The following RBMS1 variants were observed in gnomAD, a reference collection of about 807,000 sequenced individuals.
RBMS1 encodes RNA-binding motif, single-stranded-interacting protein 1.
RBMS1 carries 17 observed loss-of-function variants against 62.3 expected under a neutral mutation model. The ratio of observed to expected loss-of-function variants is 0.27; its 90% CI spans 0.19 to 0.41. RBMS1 has a LOEUF of 0.41. Ranked by LOEUF, RBMS1 falls within the 10% of genes least tolerant of loss-of-function variation. The probability of loss-of-function intolerance (pLI) is 1.00; values close to 1 mark genes in which losing one functional copy is unlikely to be tolerated. For missense variants in RBMS1, 334 were observed against 504.5 expected, an observed-to-expected ratio of 0.66 and a Z score of 3.24; for synonymous variants, 172 against 170.0, an observed-to-expected ratio of 1.01 and a Z score of -0.09.
At chr2:160,342,817 A>G (rs1412609216) in intron 2 of RBMS1, among the ~76,000 whole-genome samples, 1 of 151,732 alleles carries the variant, frequency 6.6e-6, no homozygotes, top group Non-Finnish European at 1.5e-5. Flanking sequence ...AGGCGCTTGT[A>G]ATCCTAGTTA....
chr2:160,384,980 C>T (rs887828512), intron 1 of RBMS1, among the ~76,000 whole-genome samples: 1 of 152,002 alleles, frequency 6.6e-6, no homozygotes, highest in African/African-American at 2.4e-5. Context: ...AAGTGTGTGG[C>T]CTTTCCCTCT....
intron 6 of RBMS1, among the ~76,000 whole-genome samples, chr2:160,296,686 C>A (rs12692590): frequency 2.0e-5 from 3 of 151,940 alleles, no homozygotes; most frequent in African/African-American, 7.3e-5. Flanking sequence ...TGCCTCTGTG[C>A]TTGCTTTCAA....
chr2:160,287,115 C>G, intron 6 of RBMS1, 31 bp from the exon 7 acceptor site: 1 of 1,610,768 alleles, frequency 6.2e-7, no homozygotes, highest in Non-Finnish European at 8.5e-7. Context: ...AAAATGAAAC[C>G]ACAATGATAC....
chr2:160,321,363 A>G (rs866130810), intron 2 of RBMS1, among the ~76,000 whole-genome samples: 16 of 152,004 alleles, frequency 1.1e-4, no homozygotes, highest in Non-Finnish European at 4.4e-5. Flanking sequence ...CTCCTTAACT[A>G]AGTACTTTCA....
At position 160,493,674 on chromosome 2, in the gene RBMS1, C is replaced by G. The variant is rs545416274; in HGVS notation, c.-311G>C. The stretch of plus-strand genomic sequence containing the variant: ...CAAGGAGTTTCCTCCCGGAGCCCGA[C>G]TGCTCCGGGGCTGCCAAGGGCTGGC... On this transcript the variant is annotated 5_prime_UTR_variant, in exon 1 of 14. Coordinates refer to ENST00000348849, the MANE Select transcript of RBMS1 (RefSeq NM_016836.4). 351 of 450,148 alleles carry G rather than the reference C, an allele frequency of 7.8e-4. No individual in the cohort carries two copies. The highest frequency in any genetic ancestry group is 6.2e-3 in the African/African-American group (301 of 48,624). 27.9% of individuals were successfully genotyped at this position (450,148 alleles called of 1,614,324 possible). A position where few individuals can be genotyped will look rare whatever the true frequency, so the allele number is the denominator to read the frequency against.
At chr2:160,362,010 T>C (rs7584566) in intron 2 of RBMS1, among the ~76,000 whole-genome samples, 1,714 of 152,276 alleles carry the variant, frequency 0.011, 41 homozygotes, top group African/African-American at 0.037. Flanking sequence ...ACAATGAAGA[T>C]TGCTGCATCA....
At position 160,331,699 on chromosome 2, in the gene RBMS1, G is replaced by C. The variant is rs192283052; in HGVS notation, c.252-13472C>G. ...CCTGGTCTTCTGAGCTCTTTCAGAA[G>C]AGAGTAAGCACCATAAACAAAGAGC... On this transcript the variant is annotated intron_variant, in intron 2 of 13. Coordinates refer to ENST00000348849, the MANE Select transcript of RBMS1 (RefSeq NM_016836.4). Among the ~76,000 whole-genome samples the C allele has an allele frequency of 6.0e-3, 918 of 152,308 alleles. 17 individuals carry two copies. Among genetic ancestry groups the C allele is most frequent in the Middle Eastern group, 0.014 (4 of 294 alleles).
intron 2 of RBMS1, among the ~76,000 whole-genome samples, chr2:160,339,645 A>G (rs1691760476): frequency 6.6e-6 from 1 of 152,176 alleles, no homozygotes; most frequent in Non-Finnish European, 1.5e-5. Context: ...TATAGTCTAT[A>G]TCTTCCCCAT....
intron 2 of RBMS1, among the ~76,000 whole-genome samples, chr2:160,350,558 A>G (rs900445631): frequency 3.3e-5 from 5 of 152,124 alleles, no homozygotes; most frequent in African/African-American, 1.2e-4. Flanking sequence ...CATTGAAAGG[A>G]AAGCAGGGGA....
At chr2:160,429,215 A>G (rs1559540874) in intron 1 of RBMS1, among the ~76,000 whole-genome samples, 3 of 152,356 alleles carry the variant, frequency 2.0e-5, no homozygotes, top group African/African-American at 7.2e-5. Context: ...TAAAGTTAAC[A>G]GGAAGTCTCC....
At chr2:160,385,351 G>C (rs1694513508) in intron 1 of RBMS1, among the ~76,000 whole-genome samples, 1 of 151,974 alleles carries the variant, frequency 6.6e-6, no homozygotes, top group African/African-American at 2.4e-5. Flanking sequence ...AGGCTTCTTT[G>C]CACAGCCTCA....
chr2:160,439,149 C>T (rs1452429729), intron 1 of RBMS1, among the ~76,000 whole-genome samples: 9 of 145,120 alleles, frequency 6.2e-5, no homozygotes, highest in African/African-American at 1.3e-4. Context: ...GGGGGCTGAT[C>T]CCCCCACCTC....
chr2:160,339,068 T>C (rs1691729562), intron 2 of RBMS1, among the ~76,000 whole-genome samples: 1 of 152,188 alleles, frequency 6.6e-6, no homozygotes. Flanking sequence ...TAGGCCTGCC[T>C]GAGCCAAATC....
At chr2:160,342,870 G>A (rs765322274) in intron 2 of RBMS1, among the ~76,000 whole-genome samples, 2 of 152,052 alleles carry the variant, frequency 1.3e-5, no homozygotes, top group Non-Finnish European at 1.5e-5. Flanking sequence ...CCCGGAAAGC[G>A]GAGGTTGCAG....
At chr2:160,342,866 A>C (rs1322586938) in intron 2 of RBMS1, among the ~76,000 whole-genome samples, 12 of 152,246 alleles carry the variant, frequency 7.9e-5, no homozygotes, top group East Asian at 7.7e-4. Flanking sequence ...TGAACCCGGA[A>C]AGCGGAGGTT....
chr2:160,282,960 T>TA (rs1688182160), intron 9 of RBMS1: 1 of 152,170 alleles, frequency 6.6e-6, no homozygotes, highest in African/African-American at 2.4e-5. Context: ...ATATGTATCT[T>TA]AGAGAAATAC....
chr2:160,346,086 G>A (rs534699664), intron 2 of RBMS1, among the ~76,000 whole-genome samples: 1 of 152,082 alleles, frequency 6.6e-6, no homozygotes, highest in South Asian at 2.1e-4. Flanking sequence ...CGGTCTTTAG[G>A]GTTTTCTCAA....
At chr2:160,477,067 T>A (rs538703703) in intron 1 of RBMS1, among the ~76,000 whole-genome samples, 8 of 152,368 alleles carry the variant, frequency 5.3e-5, no homozygotes, top group African/African-American at 1.9e-4. Context: ...AAATGTCACT[T>A]AATGCAAGTT....
At chr2:160,277,007 A>C (rs1687871339) in intron 12 of RBMS1, among the ~76,000 whole-genome samples, 1 of 152,168 alleles carries the variant, frequency 6.6e-6, no homozygotes, top group Non-Finnish European at 1.5e-5. Flanking sequence ...ACTCCTGAGT[A>C]GCTGGGACTA....
Sources: allele counts gnomAD v4.1 joint callset (sites outside exome capture counted in the v4.1 genomes callset), GRCh38; gene constraint gnomAD v4.1.1; transcripts MANE v1.5; gene names NCBI Gene and HGNC (gene_info 2026-07-23, HGNC 2026-07-21).